Variants in NRG3 observed in about 807,000 individuals in gnomAD.
NRG3 encodes pro-neuregulin-3, membrane-bound isoform.
In NRG3, 31 loss-of-function variants were observed where a neutral mutation model predicts 66.9. The ratio of observed to expected loss-of-function variants is 0.46; its 90% CI spans 0.35 to 0.63. The LOEUF (loss-of-function observed/expected upper bound fraction) is 0.63. NRG3 is among the 20% of genes least tolerant of loss of function. The pLI is 0.00. For synonymous variants in NRG3, 393 were observed against 359.4 expected (o/e 1.09, Z -1.06); for missense variants, 910 against 878.9 (o/e 1.04, Z -0.45).
intron 1 of NRG3, among the ~76,000 whole-genome samples, chr10:82,224,523 A>T (rs1336299): frequency 1.3e-5 from 2 of 152,098 alleles, no homozygotes; most frequent in South Asian, 4.1e-4. Flanking sequence ...AACTTCTGAC[A>T]AACCCAGCAC....
At chr10:82,745,051 A>G (rs1488259971) in intron 3 of NRG3, among the ~76,000 whole-genome samples, 1 of 152,190 alleles carries the variant, frequency 6.6e-6, no homozygotes, top group African/African-American at 2.4e-5. Flanking sequence ...AAATGCATGA[A>G]GAAGTACAAA....
chr10:82,617,680 G>A (rs2048757615), intron 2 of NRG3, among the ~76,000 whole-genome samples: 1 of 152,140 alleles, frequency 6.6e-6, no homozygotes. Flanking sequence ...TGTACTGCCT[G>A]GCATGCAGTC....
chr10:82,480,345 G>A (rs1472006430), intron 2 of NRG3, among the ~76,000 whole-genome samples: 2 of 152,150 alleles, frequency 1.3e-5, no homozygotes, highest in African/African-American at 4.8e-5. Context: ...AACAGGTGAT[G>A]TTTAAGCTAT....
intron 1 of NRG3, among the ~76,000 whole-genome samples, chr10:82,128,057 G>C (rs1564588377): frequency 6.6e-6 from 1 of 151,930 alleles, no homozygotes; most frequent in East Asian, 1.9e-4. Flanking sequence ...AGATCACGAT[G>C]TTAATTAATG....
chr10:82,583,716 C>G (rs1007327204), intron 2 of NRG3, among the ~76,000 whole-genome samples: 1 of 152,128 alleles, frequency 6.6e-6, no homozygotes, highest in Non-Finnish European at 1.5e-5. Context: ...CCACAGGACC[C>G]CATGCTAAAA....
chr10:82,507,760 C>T (rs754541504), intron 2 of NRG3, among the ~76,000 whole-genome samples: 15 of 152,158 alleles, frequency 9.9e-5, no homozygotes, highest in Non-Finnish European at 2.1e-4. Context: ...CCTGTTTCTC[C>T]TCTGTGCAGA....
rs1039975902 is a variant in NRG3 at position 82,358,953 on chromosome 10, C to T, written c.953+85C>T. On this transcript the variant is annotated intron_variant, in intron 2 of 8. Coordinates refer to ENST00000372141, the MANE Select transcript of NRG3 (RefSeq NM_001010848.4). ...GGTGCTGGCAGCATCTGGTATGTGTCATATCCGGGATACACACAGTCCCAC... is the reference window on the plus strand; with the variant it reads ...GGTGCTGGCAGCATCTGGTATGTGTTATATCCGGGATACACACAGTCCCAC... The T allele has an allele frequency of 4.1e-5, 64 of 1,574,846 alleles. No individual in the cohort carries two copies. In the South Asian group the frequency reaches 6.9e-4, roughly 17 times the overall value.
intron 1 of NRG3, among the ~76,000 whole-genome samples, chr10:82,100,295 T>G (rs1170252264): frequency 6.6e-6 from 1 of 152,164 alleles, no homozygotes; most frequent in Non-Finnish European, 1.5e-5. Context: ...TTGAACTTCC[T>G]ATGTAGACAA....
At chr10:82,938,177 C>T (rs1422174315) in intron 4 of NRG3, among the ~76,000 whole-genome samples, 1 of 152,114 alleles carries the variant, frequency 6.6e-6, no homozygotes, top group Non-Finnish European at 1.5e-5. Context: ...ATACATGTGG[C>T]TTGCATTATA....
At chr10:82,677,307 T>C (rs1485622267) in intron 2 of NRG3, among the ~76,000 whole-genome samples, 1 of 152,014 alleles carries the variant, frequency 6.6e-6, no homozygotes, top group Non-Finnish European at 1.5e-5. Context: ...TCCTAAACTG[T>C]TGGGATTATA....
intron 1 of NRG3, among the ~76,000 whole-genome samples, chr10:81,906,864 G>T (rs2132707036): frequency 6.6e-6 from 1 of 152,272 alleles, no homozygotes; most frequent in African/African-American, 2.4e-5. Context: ...GAGGAGTTCT[G>T]ATTTCAAAGA....
intron 1 of NRG3, among the ~76,000 whole-genome samples, chr10:82,166,020 A>T (rs2072026135): frequency 1.3e-5 from 2 of 149,044 alleles, no homozygotes; most frequent in Non-Finnish European, 3.0e-5. Context: ...TTTATTTTTA[A>T]TTTATTATTA....
At chr10:82,651,116 G>A (rs1340225493) in intron 2 of NRG3, among the ~76,000 whole-genome samples, 1 of 152,160 alleles carries the variant, frequency 6.6e-6, no homozygotes, top group East Asian at 1.9e-4. Flanking sequence ...AGAAAATTAG[G>A]CCAACTATTT....
intron 2 of NRG3, among the ~76,000 whole-genome samples, chr10:82,666,276 A>C (rs897043716): frequency 1.4e-4 from 22 of 152,168 alleles, no homozygotes; most frequent in Non-Finnish European, 1.8e-4. Flanking sequence ...CTATGTGAGC[A>C]AGTCTTCAAA....
chr10:82,249,047 G>T (rs2077369703), intron 1 of NRG3, among the ~76,000 whole-genome samples: 1 of 152,104 alleles, frequency 6.6e-6, no homozygotes, highest in South Asian at 2.1e-4. Context: ...GACCCTTGAT[G>T]CCTTTTGTAA....
intron 1 of NRG3, among the ~76,000 whole-genome samples, chr10:82,179,941 A>G (rs2073299745): frequency 2.0e-5 from 3 of 151,968 alleles, no homozygotes; most frequent in South Asian, 2.1e-4. Context: ...TTTTCAGCAT[A>G]TAAGTCTTTC....
intron 6 of NRG3, among the ~76,000 whole-genome samples, chr10:82,969,850 A>G (rs1223677612): frequency 2.6e-5 from 4 of 152,356 alleles, no homozygotes; most frequent in African/African-American, 9.6e-5. Context: ...AGAAAAATAT[A>G]TGTACATACA....
intron 1 of NRG3, among the ~76,000 whole-genome samples, chr10:81,986,600 A>G (rs1414332987): frequency 1.3e-5 from 2 of 152,238 alleles, no homozygotes; most frequent in Non-Finnish European, 2.9e-5. Context: ...ACTTGGAAAT[A>G]AAGGTTATTG....
chr10:82,456,494 A>G (rs552856896), intron 2 of NRG3, among the ~76,000 whole-genome samples: 2 of 152,224 alleles, frequency 1.3e-5, no homozygotes, highest in Admixed American at 1.3e-4. Context: ...ACAAAAACAC[A>G]CACACTAGTC....
Sources: gnomAD v4.1 joint callset for allele counts (sites outside exome capture counted in the v4.1 genomes callset) on GRCh38, gnomAD v4.1.1 for gene constraint, MANE v1.5 for transcripts, NCBI Gene and HGNC (gene_info 2026-07-23, HGNC 2026-07-21) for gene names.